Variants in GSN observed in about 807,000 individuals in gnomAD.
GSN encodes gelsolin.
In GSN, 56 loss-of-function variants were observed where a neutral mutation model predicts 85.7. That is an observed-to-expected ratio of 0.65 (90% CI 0.53 to 0.82). The LOEUF is 0.82. Among genes scored for constraint, GSN ranks in the 40% least tolerant of loss-of-function variants. The pLI is 0.00. For synonymous variants in GSN, 373 were observed against 399.1 expected, an observed-to-expected ratio of 0.93 and a Z score of 0.78; for missense variants, 857 against 979.8, an observed-to-expected ratio of 0.87 and a Z score of 1.67.
chr9:121,269,746 G>A (rs1032804112), intron 1 of GSN, among the ~76,000 whole-genome samples: 8 of 151,898 alleles, frequency 5.3e-5, no homozygotes, highest in Middle Eastern at 3.4e-3. Flanking sequence ...GTGTGAATCA[G>A]GGGAGGAAAG....
upstream of GSN, among the ~76,000 whole-genome samples, chr9:121,263,230 A>G (rs2055124136): frequency 6.6e-6 from 1 of 152,220 alleles, no homozygotes; most frequent in Non-Finnish European, 1.5e-5. Flanking sequence ...GGCTACCAGC[A>G]TGATGTCACT....
chr9:121,214,265 TTCTC>T (rs375429378), intron 4 of GSN, among the ~76,000 whole-genome samples: 6 of 152,088 alleles, frequency 3.9e-5, no homozygotes, highest in African/African-American at 1.4e-4. Context: ...TTCCTTCTTT[TTCTC>T]TCTTTCTCTC....
chr9:121,211,515 G>A (rs1412586491), intron 4 of GSN, among the ~76,000 whole-genome samples: 1 of 152,146 alleles, frequency 6.6e-6, no homozygotes, highest in East Asian at 1.9e-4. Context: ...AATACTTCCA[G>A]GTGTAAAAGT....
chr9:121,275,435 C>G (rs2056548700), intron 1 of GSN, among the ~76,000 whole-genome samples: 1 of 152,186 alleles, frequency 6.6e-6, no homozygotes, highest in Non-Finnish European at 1.5e-5. Context: ...CCAAAGAGCC[C>G]TGGAAAGGAA....
intron 5 of GSN, among the ~76,000 whole-genome samples, chr9:121,237,123 G>C (rs543158297): frequency 2.6e-4 from 40 of 152,214 alleles, no homozygotes; most frequent in Non-Finnish European, 5.1e-4. Context: ...AATATCAGCT[G>C]TGCAAAAGTT....
At chr9:121,310,944 G>T (rs2061053392) in intron 5 of GSN, 99 bp downstream of exon 5, 8 of 1,085,116 alleles carry the variant, frequency 7.4e-6, no homozygotes, top group Non-Finnish European at 9.8e-6. Flanking sequence ...AGATGCAGGT[G>T]GGCAAACCAC....
chr9:121,312,128 G>T lies in GSN; in HGVS notation c.514-211G>T, dbSNP rs541046785. 12 of 546,494 alleles carry T rather than the reference G, an allele frequency of 2.2e-5. No homozygotes were observed. In the South Asian group the frequency reaches 2.6e-4, roughly 12 times the overall value. The allele number at this position is 546,494 out of a possible 1,614,324, so 33.9% of individuals were successfully genotyped here. On this transcript the variant is annotated intron_variant, in intron 5 of 17. Coordinates refer to ENST00000432226, the MANE Select transcript of GSN (RefSeq NM_198252.3). ...TAGTTGTACCTGTGAAAAAATTCCT[G>T]TCCTCAGACATGCGCTCCCATCTCC...
At chr9:121,282,534 T>C (rs556623779) in intron 2 of GSN, 2 of 1,252,414 alleles carry the variant, frequency 1.6e-6, no homozygotes, top group Non-Finnish European at 1.0e-6. Context: ...GAGCTGTTCC[T>C]CTTTCCCAAA....
At chr9:121,311,451 T>C in intron 5 of GSN, 1 of 160,880 alleles carries the variant, frequency 6.2e-6, no homozygotes, top group South Asian at 1.8e-4. Flanking sequence ...GAGCACACAC[T>C]GATTTAGTGT....
rs1043454294 is a variant in GSN at position 121,286,621 on chromosome 9, G to T, written c.-10+5059G>T. 3 of 1,522,770 alleles carry T rather than the reference G, an allele frequency of 2.0e-6. No individual in the cohort carries two copies. The African/African-American group carries it at 4.1e-5, about 21-fold the overall frequency. The allele number at this position is 1,522,770 out of a possible 1,614,324, so 94.3% of individuals were successfully genotyped here. On this transcript the variant is annotated intron_variant, in intron 2 of 17. Transcript: ENST00000432226. ...TCCCAGGGCCCACAACTGCTTGAAT[G>T]ACTATTGGTGTTCCTGTTTGTGTGC...
In GSN at chr9:121,312,484, T is replaced by G. The variant is rs374011467; in HGVS notation, c.659T>G (p.Leu220Arg). Residue 220 changes from leucine to arginine, a missense_variant, in exon 6 of 18, where the codon CTC becomes CGC. Coordinates refer to ENST00000432226, the MANE Select transcript of GSN (RefSeq NM_198252.3). The part of the protein sequence containing the change: ...SEEGTEPEAM[L>R]QVLGPKPALP... ...GAGGGCACTGAGCCCGAGGCGATGCTCCAGGTGCCTGTGGGGTGCGCAATG... is the reference window on the plus strand; with the variant it reads ...GAGGGCACTGAGCCCGAGGCGATGCGCCAGGTGCCTGTGGGGTGCGCAATG... The G allele has an allele frequency of 1.9e-6, 3 of 1,608,348 alleles. No individual in the cohort carries two copies. In the African/African-American group the frequency reaches 4.0e-5, roughly 22 times the overall value.
At chr9:121,324,275 G>A (rs1037104678) in intron 11 of GSN, among the ~76,000 whole-genome samples, 1 of 152,206 alleles carries the variant, frequency 6.6e-6, no homozygotes, top group Non-Finnish European at 1.5e-5. Flanking sequence ...CTCTGTGGCT[G>A]TTCAGCATGG....
At chr9:121,306,016 T>C (rs2060379338) in intron 4 of GSN, among the ~76,000 whole-genome samples, 1 of 152,192 alleles carries the variant, frequency 6.6e-6, no homozygotes, top group African/African-American at 2.4e-5. Flanking sequence ...GGCCCTCTTG[T>C]TCTATGACCC....
At chr9:121,264,207 A>T (rs980462708), upstream of GSN, among the ~76,000 whole-genome samples, 1 of 152,208 alleles carries the variant, frequency 6.6e-6, no homozygotes, top group Non-Finnish European at 1.5e-5. Context: ...TAATCCCAGC[A>T]CTTTCAAAGG....
At position 121,329,008 on chromosome 9, in the gene GSN, G is replaced by T; in HGVS notation, c.1880G>T (p.Arg627Leu). The T allele has an allele frequency of 6.2e-7, 1 of 1,613,818 alleles. No individual in the cohort carries two copies. The highest frequency in any genetic ancestry group is 8.5e-7 in the Non-Finnish European group (1 of 1,180,008). The change falls in exon 15 of 18, where the codon CGT becomes CTT. Residue 627 changes from arginine to leucine, a missense_variant. Arg to Leu is a moderately radical substitution (Grantham distance 102). Transcript: ENST00000432226. This position sits in a 1 kb window ranked among gnomAD's most constrained non-coding sequence, Gnocchi z 4.6. Reference sequence around the variant, plus strand: ...TTTGCCTGCTCCAACAAGATTGGACGTTTTGTGGTGAGCCCCTGCGGAGGT... The same window carrying T: ...TTTGCCTGCTCCAACAAGATTGGACTTTTTGTGGTGAGCCCCTGCGGAGGT... ...RLFACSNKIG[R>L]FVIEEVPGEL... is the part of the protein sequence containing the mutation.
At chr9:121,221,986 A>G (rs1331215239) in intron 4 of GSN, among the ~76,000 whole-genome samples, 1 of 152,232 alleles carries the variant, frequency 6.6e-6, no homozygotes, top group African/African-American at 2.4e-5. Flanking sequence ...CTACAGAGTG[A>G]GGAAGCTGCT....
chr9:121,207,707 C>G (rs2053904900), upstream of GSN: 1 of 151,732 alleles, frequency 6.6e-6, no homozygotes, highest in Non-Finnish European at 1.5e-5. Flanking sequence ...TTTTGAGACT[C>G]AAACTGACTT....
intron 4 of GSN, chr9:121,222,977 T>G (rs964914784): frequency 6.6e-6 from 1 of 152,188 alleles, no homozygotes; most frequent in Non-Finnish European, 1.5e-5. Flanking sequence ...GTTGTCTGCA[T>G]GCACAGTGGT....
Position 121,326,579 on chromosome 9 carries a change from T to C in GSN, c.1484T>C (p.Ile495Thr), listed in dbSNP as rs778921459. The C allele has an allele frequency of 1.9e-6, 3 of 1,613,656 alleles. No individual in the cohort carries two copies. The highest frequency in any genetic ancestry group is 2.5e-6 in the Non-Finnish European group (3 of 1,179,936). The change falls in exon 13 of 18, where the codon ATC (isoleucine) becomes ACC (threonine). Residue 495 changes from isoleucine (I) to threonine (T), a missense_variant. Physicochemically the swap from Ile to Thr is moderately conservative, Grantham distance 89. Coordinates refer to ENST00000432226, the MANE Select transcript of GSN (RefSeq NM_198252.3). ...MSLFGGKPMI[I>T]YKGGTSREGG... ...CTGTTTGGTGGGAAGCCCATGATCA[T>C]CTACAAGGGCGGCACCTCCCGCGAG...
Sources: allele counts gnomAD v4.1 joint callset (sites outside exome capture counted in the v4.1 genomes callset), GRCh38; gene constraint gnomAD v4.1.1; non-coding constraint Gnocchi (gnomAD v3.1); transcripts MANE v1.5; gene names NCBI Gene and HGNC (gene_info 2026-07-23, HGNC 2026-07-21).